SENP7: variants seen among roughly 807,000 people sequenced by gnomAD.
The protein encoded by SENP7 is sentrin-specific protease 7.
In SENP7, 64 loss-of-function variants were observed where a neutral mutation model predicts 141.2. That is an observed-to-expected ratio of 0.45 (90% CI 0.37 to 0.56). SENP7 has a LOEUF of 0.56. Among genes scored for constraint, SENP7 ranks in the 20% least tolerant of loss-of-function variants. SENP7 has a pLI of 0.00. For missense variants in SENP7, 1,025 were observed against 1,212.2 expected, an observed-to-expected ratio of 0.85 and a Z score of 2.29; for synonymous variants, 382 against 426.4, an observed-to-expected ratio of 0.90 and a Z score of 1.28.
chr3:101,423,921 G>A lies in SENP7; in HGVS notation c.285-6131C>T, dbSNP rs372046643. On this transcript the variant is annotated intron_variant, in intron 4 of 23. Transcript: ENST00000394095. ...GGCAGGGAGAGCTGCTTAGAGAAGT[G>A]GTAGGGGCAGCACACCAGCTGATGT... Among the ~76,000 whole-genome samples the A allele has an allele frequency of 5.3e-5, 8 of 152,302 alleles. No individual in the cohort carries two copies. In the East Asian group the frequency reaches 1.5e-3, roughly 29 times the overall value.
intron 5 of SENP7, among the ~76,000 whole-genome samples, chr3:101,404,039 C>G (rs1012645387): frequency 2.6e-5 from 4 of 152,072 alleles, no homozygotes; most frequent in Non-Finnish European, 5.9e-5. Flanking sequence ...ATACTACCAA[C>G]AACATTCTTC....
In SENP7 at chr3:101,486,976, T is replaced by C. The variant is rs1189662037; in HGVS notation, c.186+6897A>G. 2.0e-5 allele frequency among the ~76,000 whole-genome samples: 3 copies of C among 152,168 alleles called. No homozygotes were observed. The East Asian group carries it at 5.8e-4, about 29-fold the overall frequency. On this transcript the variant is annotated intron_variant, in intron 3 of 23. Transcript: ENST00000394095. ...GCGAGCAGGAGTAGCTATTCTTATATGAGACAAAACAAATTTTAAAGCAAC... is the reference window on the plus strand; with the variant it reads ...GCGAGCAGGAGTAGCTATTCTTATACGAGACAAAACAAATTTTAAAGCAAC...
At chr3:101,415,522 A>G (rs1409752336) in intron 5 of SENP7, among the ~76,000 whole-genome samples, 3 of 152,210 alleles carry the variant, frequency 2.0e-5, no homozygotes, top group Non-Finnish European at 4.4e-5. Context: ...TGATTATAAA[A>G]GTTATGAAGT....
At chr3:101,468,022 T>A (rs991667787) in intron 3 of SENP7, among the ~76,000 whole-genome samples, 13 of 152,244 alleles carry the variant, frequency 8.5e-5, no homozygotes, top group Non-Finnish European at 1.5e-5. Context: ...AATGACCTCA[T>A]GGAGGTGAAA....
chr3:101,383,346 G>C (rs370188961), intron 6 of SENP7, among the ~76,000 whole-genome samples: 193 of 152,308 alleles, frequency 1.3e-3, no homozygotes, highest in Middle Eastern at 3.4e-3. Context: ...CGGCTGCAGT[G>C]GGGGAGGCAC....
intron 4 of SENP7, among the ~76,000 whole-genome samples, chr3:101,452,673 T>C (rs2063187558): frequency 6.6e-6 from 1 of 152,204 alleles, no homozygotes; most frequent in South Asian, 2.1e-4. Context: ...TGTAGAAAGC[T>C]GAAACTGGAT....
intron 5 of SENP7, among the ~76,000 whole-genome samples, chr3:101,399,308 T>C (rs766671401): frequency 8.5e-5 from 13 of 152,370 alleles, no homozygotes; most frequent in Admixed American, 8.5e-4. Context: ...ATTATACTAA[T>C]GGATGCCATT....
rs371355100 is a variant in SENP7 at position 101,328,564 on chromosome 3, C to G, written c.2796-18G>C. 1.1e-5 allele frequency: 18 copies of G among 1,610,116 alleles called. No homozygotes were observed. In the African/African-American group the frequency reaches 1.7e-4, roughly 16 times the overall value. On this transcript the variant is annotated intron_variant, in intron 21 of 23. Transcript: ENST00000394095. ...TACATGGCCTATGAAAAGCAAAGGA[C>G]AAAATCAAGATTTACATACTTGTAT... is the stretch of plus-strand genomic sequence containing the variant.
chr3:101,405,380 G>A (rs1026868140), intron 5 of SENP7, among the ~76,000 whole-genome samples: 1 of 152,094 alleles, frequency 6.6e-6, no homozygotes, highest in African/African-American at 2.4e-5. Context: ...TAGGAAAAGG[G>A]CGAGAGTACT....
intron 5 of SENP7, among the ~76,000 whole-genome samples, chr3:101,405,130 T>C (rs1319721932): frequency 6.6e-6 from 1 of 151,950 alleles, no homozygotes; most frequent in Non-Finnish European, 1.5e-5. Flanking sequence ...CAGGAATAAA[T>C]CAGGAAGCCT....
intron 6 of SENP7, among the ~76,000 whole-genome samples, chr3:101,388,222 T>C (rs1436404633): frequency 6.6e-6 from 1 of 152,034 alleles, no homozygotes; most frequent in Non-Finnish European, 1.5e-5. Context: ...AGCACAACTG[T>C]TAGAAGCCTG....
chr3:101,472,418 G>A (rs554284362), intron 3 of SENP7, among the ~76,000 whole-genome samples: 210 of 148,970 alleles, frequency 1.4e-3, no homozygotes, highest in Non-Finnish European at 2.3e-3. Context: ...ACCAAACACC[G>A]CATGTTCTCA....
At chr3:101,422,218 C>T (rs915510771) in intron 4 of SENP7, among the ~76,000 whole-genome samples, 2 of 152,136 alleles carry the variant, frequency 1.3e-5, no homozygotes, top group Admixed American at 6.5e-5. Flanking sequence ...GGAACAGTTT[C>T]ATGCCTAAAC....
At chr3:101,431,404 T>C (rs567670530) in intron 4 of SENP7, among the ~76,000 whole-genome samples, 62 of 152,304 alleles carry the variant, frequency 4.1e-4, no homozygotes, top group African/African-American at 1.5e-3. Flanking sequence ...TTAGCTCTTC[T>C]TGTTGCATTG....
intron 4 of SENP7, among the ~76,000 whole-genome samples, chr3:101,435,689 C>A (rs1371799251): frequency 6.6e-6 from 1 of 151,684 alleles, no homozygotes; most frequent in Admixed American, 6.6e-5. Flanking sequence ...ACAATAATAG[C>A]CACATATAAA....
chr3:101,472,659 AT>A (rs1337899766), intron 3 of SENP7, among the ~76,000 whole-genome samples: 3 of 152,168 alleles, frequency 2.0e-5, no homozygotes, highest in African/African-American at 7.2e-5. Flanking sequence ...ATAAAAAATA[AT>A]TTTTTAAAAA....
chr3:101,434,041 C>T (rs560093628), intron 4 of SENP7, among the ~76,000 whole-genome samples: 1 of 152,068 alleles, frequency 6.6e-6, no homozygotes, highest in Non-Finnish European at 1.5e-5. Context: ...GGTCAATAAA[C>T]GAGTCTTAAA....
intron 6 of SENP7, among the ~76,000 whole-genome samples, chr3:101,396,023 G>A (rs991227441): frequency 1.3e-5 from 2 of 152,054 alleles, no homozygotes; most frequent in South Asian, 2.1e-4. Flanking sequence ...TTAAAGACAC[G>A]GTAAGAAACC....
intron 6 of SENP7, among the ~76,000 whole-genome samples, chr3:101,390,074 G>A (rs1390259314): frequency 6.6e-6 from 1 of 151,970 alleles, no homozygotes; most frequent in Non-Finnish European, 1.5e-5. Context: ...ACAAAAATTA[G>A]CCAGGCATGG....
Sources: gnomAD v4.1 joint callset for allele counts (sites outside exome capture counted in the v4.1 genomes callset) on GRCh38, gnomAD v4.1.1 for gene constraint, MANE v1.5 for transcripts, NCBI Gene and HGNC (gene_info 2026-07-23, HGNC 2026-07-21) for gene names.